The following URI1 variants were observed in gnomAD, a reference collection of about 807,000 sequenced individuals.
URI1 encodes the protein URI1 prefoldin like chaperone.
Under a neutral mutation model 60.2 loss-of-function variants are expected in URI1, and 39 were observed. The ratio of observed to expected loss-of-function variants is 0.65; its 90% confidence interval spans 0.50 to 0.85. URI1 has a LOEUF of 0.85. URI1 is among the 40% of genes least tolerant of loss of function. The probability of loss-of-function intolerance (pLI) is 0.00; values close to 1 mark genes in which losing one functional copy is unlikely to be tolerated. For missense variants in URI1, 691 were observed against 665.9 expected (o/e 1.04, Z -0.42); for synonymous variants, 251 against 236.8 (o/e 1.06, Z -0.55).
At position 29,942,315 on chromosome 19, in the gene URI1, C is replaced by G; in HGVS notation, c.-233C>G. The stretch of plus-strand genomic sequence containing the variant: ...AGGCGTCTCGGTACCTGGCAGGCGG[C>G]CTGCTACTCGGAGCCCGCTGCGGGG... On this transcript the variant is annotated 5_prime_UTR_variant, in exon 1 of 11. Coordinates refer to ENST00000392271, the MANE Select transcript of URI1 (RefSeq NM_003796.3). 10 of 985,262 alleles carry G rather than the reference C, an allele frequency of 1.0e-5. No individual in the cohort carries two copies. The highest frequency in any genetic ancestry group is 1.2e-5 in the Non-Finnish European group (10 of 829,726). The allele number at this position is 985,262 out of a possible 1,614,324, so 61.0% of individuals were successfully genotyped here.
At chr19:30,011,904 G>A (rs189539967) in intron 9 of URI1, among the ~76,000 whole-genome samples, 2 of 133,234 alleles carry the variant, frequency 1.5e-5, no homozygotes, top group South Asian at 5.7e-4. Flanking sequence ...GTCATGGGGT[G>A]GGGGGAGGGG....
intron 2 of URI1, among the ~76,000 whole-genome samples, chr19:29,972,162 G>C (rs1249228514): frequency 6.6e-6 from 1 of 152,026 alleles, no homozygotes; most frequent in Non-Finnish European, 1.5e-5. Context: ...GTGAAAATTG[G>C]TGCAATCTGT....
rs1462196416 is a variant in URI1 at position 29,942,287 on chromosome 19, G to A, written c.-261G>A. ...GCGACGCCTGGCTGGGCCCGCACCG[G>A]AGAGGCGTCTCGGTACCTGGCAGGC... On this transcript the variant is annotated 5_prime_UTR_variant, in exon 1 of 11. Transcript: ENST00000392271. The A allele has an allele frequency of 1.0e-6, 1 of 985,222 alleles. No individual in the cohort carries two copies. The highest frequency in any genetic ancestry group is 1.7e-5 in the African/African-American group (1 of 57,238). The allele number at this position is 985,222 out of a possible 1,614,324, so 61.0% of individuals were successfully genotyped here.
intron 9 of URI1, 30 bp downstream of exon 9, chr19:30,011,266 C>A: frequency 6.4e-7 from 1 of 1,562,040 alleles, no homozygotes; most frequent in South Asian, 1.2e-5. Flanking sequence ...GCAGGGCAGT[C>A]TGCTGGGCTT....
chr19:30,000,851 A>T (rs2055869459), intron 4 of URI1, among the ~76,000 whole-genome samples: 1 of 151,818 alleles, frequency 6.6e-6, no homozygotes. Flanking sequence ...AGTAATTTGA[A>T]AATTTCCTTT....
intron 1 of URI1, among the ~76,000 whole-genome samples, chr19:29,931,895 T>C (rs1461187564): frequency 1.4e-5 from 2 of 139,986 alleles, no homozygotes; most frequent in African/African-American, 5.3e-5. Context: ...TTGCTGAATT[T>C]ATTAGCTCTA....
At chr19:29,945,281 G>T (rs546493405) in intron 1 of URI1, among the ~76,000 whole-genome samples, 1 of 152,262 alleles carries the variant, frequency 6.6e-6, no homozygotes, top group African/African-American at 2.4e-5. Context: ...GATTGAGAGG[G>T]GCTGGTAGGT....
intron 2 of URI1, among the ~76,000 whole-genome samples, chr19:29,980,965 G>A (rs567913774): frequency 1.4e-5 from 2 of 146,578 alleles, no homozygotes; most frequent in Admixed American, 1.4e-4. Flanking sequence ...AGTATTTGCT[G>A]TCTATTTTAA....
At chr19:29,974,139 C>T (rs1334452944) in intron 2 of URI1, among the ~76,000 whole-genome samples, 1 of 152,088 alleles carries the variant, frequency 6.6e-6, no homozygotes, top group African/African-American at 2.4e-5. Flanking sequence ...CAATTATGCT[C>T]AGAGTCTCAG....
upstream of URI1, among the ~76,000 whole-genome samples, chr19:29,939,059 C>A (rs1429302465): frequency 6.7e-6 from 1 of 149,652 alleles, no homozygotes; most frequent in African/African-American, 2.5e-5. Flanking sequence ...CTCACTGCAA[C>A]CTCCACTTCC....
At chr19:29,964,855 GTTT>G (rs1184124643) in intron 1 of URI1, among the ~76,000 whole-genome samples, 3 of 136,768 alleles carry the variant, frequency 2.2e-5, no homozygotes, top group African/African-American at 8.1e-5. Flanking sequence ...ATATTTTCCT[GTTT>G]TTTTTTTTTT....
intron 1 of URI1, among the ~76,000 whole-genome samples, chr19:29,943,542 G>T (rs1330973311): frequency 6.6e-6 from 1 of 152,130 alleles, no homozygotes; most frequent in Non-Finnish European, 1.5e-5. Context: ...AAAGGGTTAG[G>T]AAGTTGCTTC....
chr19:30,013,770 TAGA>T (rs1374192520), intron 10 of URI1, among the ~76,000 whole-genome samples: 2 of 152,256 alleles, frequency 1.3e-5, no homozygotes. Flanking sequence ...GCATTTTAAA[TAGA>T]AGAAGGAGAA....
In URI1 at chr19:30,008,943, A is replaced by G. The variant is rs768637482; in HGVS notation, c.687-62A>G. ...TATTTACCCATGGAAACTAACTGGA[A>G]ATTTAAATAATGTAAAATTCTAGTA... On this transcript the variant is annotated intron_variant, in intron 7 of 10. Transcript: ENST00000392271. 7 of 1,317,628 alleles carry G rather than the reference A, an allele frequency of 5.3e-6. No individual in the cohort carries two copies. In the Admixed American group the frequency reaches 8.1e-5, roughly 15 times the overall value. 81.6% of individuals were successfully genotyped at this position (1,317,628 alleles called of 1,614,324 possible).
intron 2 of URI1, among the ~76,000 whole-genome samples, chr19:29,981,873 TAGAA>T (rs1773959760): frequency 6.6e-6 from 1 of 151,966 alleles, no homozygotes; most frequent in South Asian, 2.1e-4. Flanking sequence ...ATTATTAAAA[TAGAA>T]AAAAAAATCT....
intron 1 of URI1, among the ~76,000 whole-genome samples, chr19:29,929,768 C>T (rs762250118): frequency 6.6e-6 from 1 of 151,836 alleles, no homozygotes; most frequent in Non-Finnish European, 1.5e-5. Context: ...AATAGCTATG[C>T]AAGTTCTTTG....
In URI1 at chr19:30,012,348, TAGAG is replaced by T. The variant is rs745728583; in HGVS notation, c.1246_1249del (p.Glu416IlefsTer22). ...GCAAATCCATCCTGAAGTCTCGAAG[TAGAG>T]AGAATAGTGTGTGTAGCGACACTAG... On this transcript the variant is annotated frameshift_variant, in exon 10 of 11. Transcript: ENST00000392271. LOFTEE classifies it high-confidence loss of function. 2.4e-5 allele frequency: 38 copies of T among 1,614,016 alleles called. No individual in the cohort carries two copies. The highest frequency in any genetic ancestry group is 4.5e-5 in the East Asian group (2 of 44,892).
chr19:29,969,904 T>C (rs1599685798), intron 1 of URI1, among the ~76,000 whole-genome samples: 1 of 152,166 alleles, frequency 6.6e-6, no homozygotes, highest in East Asian at 1.9e-4. Context: ...GCCACTGTTA[T>C]TAAGTGTTGC....
chr19:30,003,234 AC>A (rs2055899729), intron 4 of URI1, among the ~76,000 whole-genome samples: 1 of 151,968 alleles, frequency 6.6e-6, no homozygotes, highest in Non-Finnish European at 1.5e-5. Context: ...TATTGTGAGC[AC>A]CAGGTTCGTT....
Sources: allele counts gnomAD v4.1 joint callset (sites outside exome capture counted in the v4.1 genomes callset), GRCh38; gene constraint gnomAD v4.1.1; transcripts MANE v1.5; gene names NCBI Gene and HGNC (gene_info 2026-07-23, HGNC 2026-07-21).